Variants in PNKD observed in about 807,000 individuals in gnomAD.
PNKD encodes the protein probable thioesterase PNKD.
In PNKD, 36 loss-of-function variants were observed where a neutral mutation model predicts 45.3. That is an observed-to-expected ratio of 0.80 (90% CI 0.61 to 1.05). The LOEUF is 1.05. Among genes scored for constraint, PNKD ranks in the 50% least tolerant of loss-of-function variants. The pLI is 0.00. For synonymous variants in PNKD, 197 were observed against 210.1 expected (o/e 0.94, Z 0.54); for missense variants, 511 against 506.6 (o/e 1.01, Z -0.08).
Position 218,345,301 on chromosome 2 carries a change from A to G in PNKD, c.*320A>G. The G allele has an allele frequency of 3.1e-6, 1 of 325,158 alleles. No individual in the cohort carries two copies. Among genetic ancestry groups the G allele is most frequent in the Non-Finnish European group, 5.7e-6 (1 of 174,542 alleles). The allele number at this position is 325,158 out of a possible 1,614,324, so 20.1% of individuals were successfully genotyped here. On this transcript the variant is annotated 3_prime_UTR_variant, in exon 10 of 10. Transcript: ENST00000273077. ...CCTTCCCTACTCCTGGGACGGCAGC[A>G]AGGACATGGGGGCTGCTGTTAGCTT...
At position 218,277,000 on chromosome 2, in the gene PNKD, T is replaced by C; in HGVS notation, c.236+5451T>C. On this transcript the variant is annotated intron_variant, in intron 2 of 9. Coordinates refer to ENST00000273077, the MANE Select transcript of PNKD (RefSeq NM_015488.5). ...CCTGACCCCAGCTCTCCTGGGACAC[T>C]CACGTATTGGAAGTAGAGCACAATG... 8 of 1,613,222 alleles carry C rather than the reference T, an allele frequency of 5.0e-6. No homozygotes were observed. Among genetic ancestry groups the C allele is most frequent in the African/African-American group, 1.3e-5 (1 of 75,004 alleles).
At chr2:218,292,638 C>T (rs1693018227) in intron 2 of PNKD, 1 of 152,088 alleles carries the variant, frequency 6.6e-6, no homozygotes, top group African/African-American at 2.4e-5. Context: ...GCGCGCGCGC[C>T]TCTCAGAGCC....
intron 2 of PNKD, among the ~76,000 whole-genome samples, chr2:218,328,386 C>G (rs1261825968): frequency 1.3e-5 from 2 of 152,170 alleles, no homozygotes; most frequent in Non-Finnish European, 2.9e-5. Flanking sequence ...CCACCCTCAC[C>G]CCTGCACCCT....
At chr2:218,275,486 C>A (rs1259185032) in intron 2 of PNKD, 2 of 1,613,048 alleles carry the variant, frequency 1.2e-6, no homozygotes, top group Admixed American at 3.3e-5. Flanking sequence ...TAATTGCGAT[C>A]CCCCATCAGC....
intron 2 of PNKD, among the ~76,000 whole-genome samples, chr2:218,329,914 C>T (rs1694269810): frequency 6.6e-6 from 1 of 152,236 alleles, no homozygotes; most frequent in South Asian, 2.1e-4. Context: ...AGCTCTCAGA[C>T]AGGCACTTTC....
At chr2:218,318,390 A>C (rs1693875567) in intron 2 of PNKD, 1 of 152,234 alleles carries the variant, frequency 6.6e-6, no homozygotes, top group African/African-American at 2.4e-5. Context: ...TGGGTTCTTT[A>C]GCCATGGTTC....
chr2:218,342,507 C>A (rs1694709853), intron 7 of PNKD, among the ~76,000 whole-genome samples: 2 of 151,850 alleles, frequency 1.3e-5, no homozygotes, highest in African/African-American at 2.4e-5. Context: ...CAAGACCAGC[C>A]TGGTCAACAT....
Position 218,273,693 on chromosome 2 carries a change from G to C in PNKD, c.236+2144G>C, listed in dbSNP as rs147372604. On this transcript the variant is annotated intron_variant, in intron 2 of 9. Coordinates refer to ENST00000273077, the MANE Select transcript of PNKD (RefSeq NM_015488.5). ...TTTAGTAGAGATGGGGTTTCACCAT[G>C]TTTGGTCTGGCTGGTCTCAAACTCC... Among the ~76,000 whole-genome samples the C allele has an allele frequency of 1.5e-3, 224 of 148,588 alleles. 1 individual carries two copies. The highest frequency in any genetic ancestry group is 5.3e-3 in the African/African-American group (214 of 40,150).
intron 2 of PNKD, among the ~76,000 whole-genome samples, chr2:218,273,352 A>G (rs1690931967): frequency 6.6e-6 from 1 of 151,074 alleles, no homozygotes; most frequent in South Asian, 2.1e-4. Flanking sequence ...GCTCACTGCA[A>G]CCTCCACCTC....
At chr2:218,341,684 A>G in intron 6 of PNKD, 58 bp downstream of exon 6, 1 of 1,275,520 alleles carries the variant, frequency 7.8e-7, no homozygotes, top group Non-Finnish European at 1.1e-6. Context: ...CCCCACCCCC[A>G]GCCTTCAGTG....
chr2:218,320,035 G>A (rs112782920), intron 2 of PNKD, among the ~76,000 whole-genome samples: 4 of 152,356 alleles, frequency 2.6e-5, no homozygotes, highest in African/African-American at 7.2e-5. Context: ...GCTGGTCCGT[G>A]GTGACAAGGG....
At chr2:218,307,716 G>A (rs1288508236) in intron 2 of PNKD, among the ~76,000 whole-genome samples, 1 of 152,174 alleles carries the variant, frequency 6.6e-6, no homozygotes, top group Non-Finnish European at 1.5e-5. Context: ...GGCTCTTGTG[G>A]ACATTTCTCC....
At chr2:218,313,903 CTTTTTTTTTTT>C (rs10550174) in intron 2 of PNKD, among the ~76,000 whole-genome samples, 1 of 77,722 alleles carries the variant, frequency 1.3e-5, no homozygotes. Context: ...TTCTTTATTT[CTTTTTTTTTTT>C]TTTTTTTTTT....
chr2:218,272,755 A>T, intron 2 of PNKD: 1 of 1,614,084 alleles, frequency 6.2e-7, no homozygotes, highest in Non-Finnish European at 8.5e-7. Context: ...TCTGGGGTGC[A>T]GACCTGAGGA....
At chr2:218,319,449 C>G (rs970261914) in intron 2 of PNKD, among the ~76,000 whole-genome samples, 1 of 138,100 alleles carries the variant, frequency 7.2e-6, no homozygotes, top group Non-Finnish European at 1.5e-5. Context: ...GATCTCGGCT[C>G]ACTGCAACCT....
chr2:218,277,621 CCCTGAATGT>C, intron 2 of PNKD: 1 of 1,614,194 alleles, frequency 6.2e-7, no homozygotes, highest in Non-Finnish European at 8.5e-7. Flanking sequence ...GGTGCTTTAT[CCCTGAATGT>C]ACCTGGAAAT....
At position 218,271,780 on chromosome 2, in the gene PNKD, C is replaced by T. The variant is rs145050655; in HGVS notation, c.236+231C>T. Reference sequence around the variant, plus strand: ...GTAAGCTGAGTTGATCTGATTCAGACTTGGGTCCCTGGCCTCATCCTCCCT... The same window carrying T: ...GTAAGCTGAGTTGATCTGATTCAGATTTGGGTCCCTGGCCTCATCCTCCCT... On this transcript the variant is annotated intron_variant, in intron 2 of 9. Transcript: ENST00000273077. Among the ~76,000 whole-genome samples the T allele has an allele frequency of 1.9e-3, 297 of 152,310 alleles. 1 individual carries two copies. The highest frequency in any genetic ancestry group is 7.0e-3 in the South Asian group (34 of 4,828).
intron 2 of PNKD, among the ~76,000 whole-genome samples, chr2:218,315,082 C>CCTT (rs3055251): frequency 2.6e-5 from 2 of 77,788 alleles, no homozygotes; most frequent in Admixed American, 1.8e-4. Flanking sequence ...TCCTTTCTTT[C>CCTT]TCTCTCTCTC....
chr2:218,281,548 G>A (rs541983071), intron 2 of PNKD, among the ~76,000 whole-genome samples: 2 of 152,328 alleles, frequency 1.3e-5, no homozygotes, highest in South Asian at 4.1e-4. Context: ...GAGGAAAGTG[G>A]TTCAGGTTCC....
Sources: allele counts gnomAD v4.1 joint callset (sites outside exome capture counted in the v4.1 genomes callset), GRCh38; gene constraint gnomAD v4.1.1; transcripts MANE v1.5; gene names NCBI Gene and HGNC (gene_info 2026-07-23, HGNC 2026-07-21).